The following ANO7 variants were observed in gnomAD, a reference collection of about 807,000 sequenced individuals.
ANO7 encodes anoctamin 7.
A neutral mutation model predicts 115.8 loss-of-function variants in ANO7; 114 were observed. The observed-to-expected ratio is 0.98, with a 90% CI of 0.85 to 1.15. The LOEUF (loss-of-function observed/expected upper bound fraction) is 1.15. Among genes scored for constraint, ANO7 ranks in the 50% most tolerant of loss-of-function variants. The pLI is 0.00. For missense variants in ANO7, 1,302 were observed against 1,201.2 expected (o/e 1.08, Z -1.24); for synonymous variants, 550 against 498.2 (o/e 1.10, Z -1.38).
At chr2:241,226,156 C>A (rs1437616599), downstream of ANO7, among the ~76,000 whole-genome samples, 2 of 151,856 alleles carry the variant, frequency 1.3e-5, no homozygotes, top group Admixed American at 6.6e-5. Context: ...GGCCCTGATG[C>A]CCACATGCGC....
chr2:241,236,716 T>C, the ANO7 span: 27 of 1,613,714 alleles, frequency 1.7e-5, no homozygotes, highest in East Asian at 2.2e-5. Context: ...TTAGCCTCTC[T>C]CCCCTCCCCA....
downstream of ANO7, chr2:241,230,708 G>A (rs1255315773): frequency 3.3e-6 from 5 of 1,530,708 alleles, no homozygotes; most frequent in South Asian, 1.1e-5. The surrounding 1 kb of genome is among the most constrained non-coding windows in gnomAD (Gnocchi z 5.0). Flanking sequence ...GGCCAGCCAG[G>A]TGCCCCCGGT....
chr2:241,217,737 C>T lies in ANO7; in HGVS notation c.2024C>T (p.Pro675Leu). The T allele has an allele frequency of 3.7e-6, 6 of 1,604,048 alleles. No homozygotes were observed. The highest frequency in any genetic ancestry group is 5.1e-6 in the Non-Finnish European group (6 of 1,175,950). Reference sequence around the variant, plus strand: ...TTCGTGGCCGCCTGTCCGCTCGCGCCGCTCTTCGCCCTGCTCAACAACTGG... The same window carrying T: ...TTCGTGGCCGCCTGTCCGCTCGCGCTGCTCTTCGCCCTGCTCAACAACTGG... ...TIFVAACPLA[P>L]LFALLNNWVE... Residue 675 changes from proline (P) to leucine (L), a missense_variant, in exon 20 of 25, where the codon CCG becomes CTG. By Grantham distance (98) the Pro-to-Leu change is moderately conservative. Transcript: ENST00000674324.
At chr2:241,199,994 A>G (rs2068431181) in intron 5 of ANO7, 95 bp from the exon 6 acceptor site, 1 of 1,481,842 alleles carries the variant, frequency 6.7e-7, no homozygotes, top group African/African-American at 1.4e-5. Context: ...CCCTTCGCCC[A>G]TTGCCCAATT....
In ANO7 at chr2:241,218,327, T is replaced by C; in HGVS notation, c.2267T>C (p.Phe756Ser). The C allele has an allele frequency of 6.6e-7, 1 of 1,512,996 alleles. No individual in the cohort carries two copies. Among genetic ancestry groups the C allele is most frequent in the Admixed American group, 2.0e-5 (1 of 50,060 alleles). The allele number at this position is 1,512,996 out of a possible 1,614,324, so 93.7% of individuals were successfully genotyped here. A position where few individuals can be genotyped will look rare whatever the true frequency, so the allele number is the denominator to read the frequency against. Residue 756 changes from phenylalanine (F) to serine (S), a missense_variant, in exon 21 of 25, where the codon TTC (phenylalanine) becomes TCC (serine). Transcript: ENST00000674324. ...CACGACCTGCGCGGCTTCCTCAACTTCACGCTGGCGCGAGCCCCGTCCTCC... is the reference window on the plus strand; with the variant it reads ...CACGACCTGCGCGGCTTCCTCAACTCCACGCTGGCGCGAGCCCCGTCCTCC... ...RAHDLRGFLN[F>S]TLARAPSSFA...
rs555914986 is a variant in ANO7 at position 241,188,899 on chromosome 2, C to G, written c.-8+133C>G. ...TGTGGGGAGGCAGTGCCAGGGCCCGCCCTGGTCCCCAAAGCCCCTTGGGGC... is the reference window on the plus strand; with the variant it reads ...TGTGGGGAGGCAGTGCCAGGGCCCGGCCTGGTCCCCAAAGCCCCTTGGGGC... On this transcript the variant is annotated intron_variant, in intron 1 of 24. Coordinates refer to ENST00000674324, the MANE Select transcript of ANO7 (RefSeq NM_001370694.2). The surrounding 1 kb of genome is among the most constrained non-coding windows in gnomAD (Gnocchi z 4.3). 3.8e-5 allele frequency: 47 copies of G among 1,229,230 alleles called. No homozygotes were observed. The African/African-American group carries it at 7.0e-4, about 18-fold the overall frequency. 76.1% of individuals were successfully genotyped at this position (1,229,230 alleles called of 1,614,324 possible).
At chr2:241,195,872 C>A in intron 4 of ANO7, 27 bp downstream of exon 4, 2 of 1,614,178 alleles carry the variant, frequency 1.2e-6, no homozygotes, top group Non-Finnish European at 1.7e-6. Context: ...ATGGGCAGGG[C>A]CCTAGGCCCT....
the ANO7 span, among the ~76,000 whole-genome samples, chr2:241,234,450 G>T: frequency 1.1e-4 from 16 of 152,302 alleles, 2 homozygotes; most frequent in South Asian, 3.3e-3. Flanking sequence ...CCACGCAGGG[G>T]TACACTGACA....
intron 13 of ANO7, among the ~76,000 whole-genome samples, chr2:241,209,884 G>A (rs1309811984): frequency 6.6e-6 from 1 of 152,152 alleles, no homozygotes; most frequent in Non-Finnish European, 1.5e-5. Flanking sequence ...TTTCAAGCAA[G>A]GGGGTTGGTT....
chr2:241,237,170 G>A, the ANO7 span, among the ~76,000 whole-genome samples: 5 of 152,220 alleles, frequency 3.3e-5, no homozygotes, highest in Non-Finnish European at 7.3e-5. Flanking sequence ...GTGAGGCAGG[G>A]CTCATCAGGG....
At position 241,188,949 on chromosome 2, in the gene ANO7, C is replaced by T. The variant is rs559819316; in HGVS notation, c.-8+183C>T. On this transcript the variant is annotated intron_variant, in intron 1 of 24. Coordinates refer to ENST00000674324, the MANE Select transcript of ANO7 (RefSeq NM_001370694.2). The surrounding 1 kb of genome is among the most constrained non-coding windows in gnomAD (Gnocchi z 4.3). ...CACGAGGAGGGACACACACTCAGTG[C>T]GGCTCTGGACGGGGTACACCCAGCT... Among the ~76,000 whole-genome samples, 1 of 152,332 alleles carries T rather than the reference C, an allele frequency of 6.6e-6. No individual in the cohort carries two copies. The highest frequency in any genetic ancestry group is 2.1e-4 in the South Asian group (1 of 4,826).
chr2:241,223,726 A>C lies in ANO7; in HGVS notation c.2477A>C (p.Glu826Ala), dbSNP rs1392534524. The change falls in exon 23 of 25, where the codon GAG becomes GCG. Residue 826 changes from glutamate to alanine, a missense_variant. Glu to Ala is a moderately radical substitution (Grantham distance 107, BLOSUM62 -1). Transcript: ENST00000674324. ...GTGCCTGACATCCCAGAGTCTGTGGAGATCAAAGTGAAGCGGGAGTACTAC... is the reference window on the plus strand; with the variant it reads ...GTGCCTGACATCCCAGAGTCTGTGGCGATCAAAGTGAAGCGGGAGTACTAC... The part of the protein sequence containing the change: ...LLVPDIPESV[E>A]IKVKREYYLA... The C allele has an allele frequency of 1.2e-6, 2 of 1,614,022 alleles. No individual in the cohort carries two copies. The highest frequency in any genetic ancestry group is 1.7e-5 in the Admixed American group (1 of 59,998).
Position 241,212,172 on chromosome 2 carries a change from C to T in ANO7, c.1640C>T (p.Ser547Phe). ...ATCTTCCAGTTCGTCAACTTCTACTCCTCACCCGTCTACATTGCCTTCTTC... is the reference window on the plus strand; with the variant it reads ...ATCTTCCAGTTCGTCAACTTCTACTTCTCACCCGTCTACATTGCCTTCTTC... ...VFIFQFVNFY[S>F]SPVYIAFFKG... The change falls in exon 16 of 25, where the codon TCC (serine) becomes TTC (phenylalanine). Residue 547 changes from serine (S) to phenylalanine (F), a missense_variant. Ser to Phe is a radical substitution (Grantham distance 155, BLOSUM62 -2). Coordinates refer to ENST00000674324, the MANE Select transcript of ANO7 (RefSeq NM_001370694.2). The T allele has an allele frequency of 5.0e-6, 8 of 1,614,198 alleles. No individual in the cohort carries two copies. Among genetic ancestry groups the T allele is most frequent in the Non-Finnish European group, 6.8e-6 (8 of 1,180,014 alleles).
At chr2:241,191,340 G>T in intron 3 of ANO7, 89 bp downstream of exon 3, 1 of 1,532,830 alleles carries the variant, frequency 6.5e-7, no homozygotes. Flanking sequence ...GCAGGCTGGG[G>T]TAGCCTCCTC....
chr2:241,217,812 C>G lies in ANO7; in HGVS notation c.2099C>G (p.Pro700Arg). The G allele has an allele frequency of 6.2e-7, 1 of 1,610,266 alleles. No individual in the cohort carries two copies. The highest frequency in any genetic ancestry group is 8.5e-7 in the Non-Finnish European group (1 of 1,179,050). ...ARKFVCEYRR[P>R]VAERAQDIGI... ...AAGTTCGTCTGCGAGTACCGGCGCC[C>G]GGTGGCCGAGCGCGCCCAGGACATC... is the stretch of plus-strand genomic sequence containing the variant. Residue 700 changes from proline to arginine, a missense_variant, in exon 20 of 25, where the codon CCG becomes CGG. Physicochemically the swap from Pro to Arg is moderately radical, Grantham distance 103. Transcript: ENST00000674324.
rs2068664627 is a variant in ANO7 at position 241,209,304 on chromosome 2, A to ACGGCGG, written c.1099_1104dup (p.Gly367_Gly368dup). The ACGGCGG allele has an allele frequency of 6.4e-7, 1 of 1,559,498 alleles. No homozygotes were observed. The highest frequency in any genetic ancestry group is 2.4e-5 in the East Asian group (1 of 41,504). ...CCACAGGCCGGCCGGCTGTTCGACC[A>ACGGCGG]CGGCGGCACCGTGTTCTTCAGCTTG... On this transcript the variant is annotated inframe_insertion, in exon 12 of 25. Coordinates refer to ENST00000674324, the MANE Select transcript of ANO7 (RefSeq NM_001370694.2).
the ANO7 span, among the ~76,000 whole-genome samples, chr2:241,231,868 C>G: frequency 6.6e-6 from 1 of 151,160 alleles, no homozygotes; most frequent in Non-Finnish European, 1.5e-5. Flanking sequence ...CAAAAACCAC[C>G]ATGCAACAGG....
rs769249928 is a variant in ANO7, at chr2:241,191,244, C to T, written c.159C>T (p.Pro53=). ...AACRAGSPAK[P]RIADFVLVWE... ...GCAGAGCTGGGAGTCCTGCCAAGCC[C>T]CGGATCGGTGAGCCCCTCCCAGCAC... Residue 53 remains proline, a synonymous_variant, in exon 3 of 25, where the codon CCC becomes CCT. Coordinates refer to ENST00000674324, the MANE Select transcript of ANO7 (RefSeq NM_001370694.2). The T allele has an allele frequency of 1.9e-6, 3 of 1,613,852 alleles. No homozygotes were observed. The highest frequency in any genetic ancestry group is 1.7e-4 in the Middle Eastern group (1 of 6,060).
chr2:241,223,118 T>A, intron 21 of ANO7, 68 bp from the exon 22 acceptor site: 1 of 1,428,248 alleles, frequency 7.0e-7, no homozygotes. Context: ...GATAGGCTAA[T>A]TCCAGAGGCA....
Sources: gnomAD v4.1 joint callset for allele counts (sites outside exome capture counted in the v4.1 genomes callset) on GRCh38, gnomAD v4.1.1 for gene constraint, Gnocchi (gnomAD v3.1) non-coding constraint, MANE v1.5 for transcripts, NCBI Gene and HGNC (gene_info 2026-07-23, HGNC 2026-07-21) for gene names.